ATF7: variants seen among roughly 807,000 people sequenced by gnomAD.
ATF7 encodes the protein cyclic AMP-dependent transcription factor ATF-7.
Under a neutral mutation model 50.4 loss-of-function variants are expected in ATF7, and 10 were observed. The ratio of observed to expected loss-of-function variants is 0.20; its 90% confidence interval spans 0.12 to 0.34. The LOEUF (loss-of-function observed/expected upper bound fraction) is 0.34, where lower values mean the gene tolerates loss of function less well. Ranked by LOEUF, ATF7 falls within the 10% of genes least tolerant of loss-of-function variation. ATF7 has a pLI of 1.00. For missense variants in ATF7, 465 were observed against 613.9 expected (o/e 0.76, Z 2.56); for synonymous variants, 201 against 226.4 (o/e 0.89, Z 1.01).
intron 2 of ATF7, chr12:53,574,603 G>C (rs1344849973): frequency 1.9e-5 from 3 of 154,162 alleles, no homozygotes; most frequent in Non-Finnish European, 4.3e-5. Context: ...ATGCAGAAAA[G>C]GCCCTGTGGC....
chr12:53,561,815 T>C (rs1328406792), intron 2 of ATF7, among the ~76,000 whole-genome samples: 1 of 152,206 alleles, frequency 6.6e-6, no homozygotes, highest in Non-Finnish European at 1.5e-5. Flanking sequence ...CATTTCAAAG[T>C]ACAGGATTGT....
intron 9 of ATF7, among the ~76,000 whole-genome samples, chr12:53,526,598 C>A (rs1006182332): frequency 6.6e-6 from 1 of 152,208 alleles, no homozygotes; most frequent in Admixed American, 6.5e-5. Flanking sequence ...TTCTGGTAAT[C>A]CCAATACTTT....
intron 2 of ATF7, among the ~76,000 whole-genome samples, chr12:53,598,598 C>T (rs1943259624): frequency 6.6e-6 from 1 of 152,174 alleles, no homozygotes; most frequent in South Asian, 2.1e-4. Context: ...AAAGTCCCTA[C>T]TATTTTCCTA....
intron 9 of ATF7, among the ~76,000 whole-genome samples, chr12:53,531,299 G>A (rs987655235): frequency 2.0e-5 from 3 of 151,762 alleles, no homozygotes; most frequent in Non-Finnish European, 4.4e-5. Flanking sequence ...GTGGGTGCCT[G>A]TAATCCCAGC....
rs1444562392 is a variant in ATF7, at chr12:53,513,192, C to A, written c.*3945G>T. 6.6e-6 allele frequency: 1 copy of A among 152,202 alleles called. No individual in the cohort carries two copies. Among genetic ancestry groups the A allele is most frequent in the Non-Finnish European group, 1.5e-5 (1 of 68,028 alleles). 9.4% of individuals were successfully genotyped at this position (152,202 alleles called of 1,614,324 possible). The stretch of plus-strand genomic sequence containing the variant: ...CTCCTTTAACCTGCCCTACTCTCCC[C>A]AGCCTTTTCTCATTCTGGGGTAGGA... On this transcript the variant is annotated 3_prime_UTR_variant, in exon 12 of 12. Transcript: ENST00000420353.
chr12:53,509,523 C>T (rs1309363677), downstream of ATF7, among the ~76,000 whole-genome samples: 7 of 133,474 alleles, frequency 5.2e-5, no homozygotes, highest in East Asian at 2.3e-4. Context: ...TTTTTTTTTA[C>T]GATGGAGTCT....
intron 9 of ATF7, among the ~76,000 whole-genome samples, chr12:53,529,785 G>C (rs1458810016): frequency 1.4e-5 from 2 of 144,546 alleles, no homozygotes; most frequent in Non-Finnish European, 3.0e-5. Flanking sequence ...CTGTAGCCCA[G>C]GCTGGAGTGC....
intron 11 of ATF7, among the ~76,000 whole-genome samples, chr12:53,520,662 T>C (rs1011323389): frequency 1.3e-5 from 2 of 152,186 alleles, no homozygotes; most frequent in African/African-American, 4.8e-5. Context: ...GTAAGCCTAA[T>C]AGGCTCCTTA....
At position 53,524,491 on chromosome 12, in the gene ATF7, TACC is replaced by T; in HGVS notation, c.1125+70_1125+72del. 1.3e-6 allele frequency: 2 copies of T among 1,524,098 alleles called. No homozygotes were observed. Among genetic ancestry groups the T allele is most frequent in the Middle Eastern group, 1.7e-4 (1 of 5,882 alleles). The allele number at this position is 1,524,098 out of a possible 1,614,324, so 94.4% of individuals were successfully genotyped here. A position where few individuals can be genotyped will look rare whatever the true frequency, so the allele number is the denominator to read the frequency against. Reference sequence around the variant, plus strand: ...AGAATTACCATCTTCTATCAAATTGTACCACTTTTTTCTGATTCCATCCCACTT... The same window carrying T: ...AGAATTACCATCTTCTATCAAATTGTACTTTTTTCTGATTCCATCCCACTT... On this transcript the variant is annotated intron_variant, in intron 10 of 11. Coordinates refer to ENST00000420353, the MANE Select transcript of ATF7 (RefSeq NM_006856.3). The surrounding 1 kb of genome is among the most constrained non-coding windows in gnomAD (Gnocchi z 4.6).
intron 2 of ATF7, among the ~76,000 whole-genome samples, chr12:53,572,153 G>A (rs569111121): frequency 6.6e-6 from 1 of 152,242 alleles, no homozygotes; most frequent in East Asian, 1.9e-4. Flanking sequence ...GAGACTTCTG[G>A]TTTTTGGCTT....
At chr12:53,616,798 A>C (rs1944142810) in intron 1 of ATF7, among the ~76,000 whole-genome samples, 1 of 151,714 alleles carries the variant, frequency 6.6e-6, no homozygotes, top group Non-Finnish European at 1.5e-5. Context: ...CTAAAAAATT[A>C]GCCAGGTGTA....
chr12:53,597,545 C>A (rs1252166317), intron 2 of ATF7, among the ~76,000 whole-genome samples: 1 of 152,152 alleles, frequency 6.6e-6, no homozygotes, highest in African/African-American at 2.4e-5. Context: ...CACGGTGGCT[C>A]ACGCCTGTAA....
intron 1 of ATF7, among the ~76,000 whole-genome samples, chr12:53,621,153 T>C (rs1476798650): frequency 6.6e-6 from 1 of 152,174 alleles, no homozygotes; most frequent in Non-Finnish European, 1.5e-5. Context: ...TATACTGCAT[T>C]TGGATTTCAA....
In ATF7 at chr12:53,532,525, T is replaced by C. The variant is rs1938964115; in HGVS notation, c.759A>G (p.Pro253=). The change falls in exon 8 of 12, where the codon CCA becomes CCG. Residue 253 remains proline, a synonymous_variant. Transcript: ENST00000420353. ...GSISPSGHPI[P]SEAKMRLKAT... ...ATGTACTCACCATCTTGGCTTCTGA[T>C]GGTATAGGGTGGCCAGAGGGAGAAA... The C allele has an allele frequency of 6.3e-7, 1 of 1,599,612 alleles. No homozygotes were observed. Among genetic ancestry groups the C allele is most frequent in the Non-Finnish European group, 8.5e-7 (1 of 1,172,788 alleles).
At chr12:53,618,953 G>A (rs1593007876) in intron 1 of ATF7, among the ~76,000 whole-genome samples, 1 of 151,524 alleles carries the variant, frequency 6.6e-6, no homozygotes, top group Non-Finnish European at 1.5e-5. Flanking sequence ...TTGGGAGGCT[G>A]AGGCATGAGA....
At chr12:53,541,867 G>A (rs1464671232) in intron 4 of ATF7, among the ~76,000 whole-genome samples, 1 of 152,010 alleles carries the variant, frequency 6.6e-6, no homozygotes, top group Admixed American at 6.6e-5. Flanking sequence ...TGTCGCCCAG[G>A]CTGGAATGCA....
chr12:53,527,610 C>T (rs1422454739), intron 9 of ATF7, among the ~76,000 whole-genome samples: 1 of 152,034 alleles, frequency 6.6e-6, no homozygotes, highest in Non-Finnish European at 1.5e-5. Flanking sequence ...ATGGTGAAAT[C>T]CCACCTCTAC....
chr12:53,579,031 T>G (rs1942249658), intron 2 of ATF7, among the ~76,000 whole-genome samples: 1 of 151,668 alleles, frequency 6.6e-6, no homozygotes, highest in Non-Finnish European at 1.5e-5. Flanking sequence ...TCACCTGAGG[T>G]CAGGAATTCG....
chr12:53,621,167 G>A (rs2137945281), intron 1 of ATF7, among the ~76,000 whole-genome samples: 1 of 152,286 alleles, frequency 6.6e-6, no homozygotes, highest in South Asian at 2.1e-4. Flanking sequence ...ATTTCAACAA[G>A]ATACCTCTTG....
Sources: gnomAD v4.1 joint callset for allele counts (sites outside exome capture counted in the v4.1 genomes callset) on GRCh38, gnomAD v4.1.1 for gene constraint, Gnocchi (gnomAD v3.1) non-coding constraint, MANE v1.5 for transcripts, NCBI Gene and HGNC (gene_info 2026-07-23, HGNC 2026-07-21) for gene names.